The following ZC3H12B variants were observed in gnomAD, a reference collection of about 807,000 sequenced individuals.
ZC3H12B encodes zinc finger CCCH-type containing 12B.
In ZC3H12B, 7 loss-of-function variants were observed where a neutral mutation model predicts 43.9. The observed-to-expected ratio is 0.16, with a 90% CI of 0.09 to 0.30. ZC3H12B has a LOEUF of 0.30. ZC3H12B is among the 10% of genes least tolerant of loss of function. The pLI is 1.00. For missense variants in ZC3H12B, 475 were observed against 670.2 expected (o/e 0.71, Z 3.22); for synonymous variants, 222 against 241.7 (o/e 0.92, Z 0.76).
the ZC3H12B span, among the ~76,000 whole-genome samples, chrX:65,284,041 A>C: frequency 1.3e-4 from 14 of 111,081 alleles, no homozygotes; most frequent in African/African-American, 4.6e-4. Flanking sequence ...CTGAGGAGTG[A>C]GGGGGATGTG....
exon 1 of ZC3H12B, chrX:65,489,146 G>A (rs1329971640): frequency 1.2e-5 from 14 of 1,210,179 alleles, no homozygotes; most frequent in Middle Eastern, 4.6e-4. Context: ...TGGAGTTTGC[G>A]CTAAAGCTGG....
At chrX:65,199,690 T>C in the ZC3H12B span, among the ~76,000 whole-genome samples, 1 of 111,181 alleles carries the variant, frequency 9.0e-6, no homozygotes. Context: ...AGTGGGAACA[T>C]GCAGTGTCTG....
the ZC3H12B span, among the ~76,000 whole-genome samples, chrX:65,224,528 C>G: frequency 8.9e-6 from 1 of 112,589 alleles, no homozygotes; most frequent in East Asian, 2.8e-4. Flanking sequence ...GGGCGCAGGA[C>G]AGTGGGTGCA....
the ZC3H12B span, among the ~76,000 whole-genome samples, chrX:65,207,097 G>C: frequency 9.3e-6 from 1 of 107,078 alleles, no homozygotes; most frequent in Non-Finnish European, 1.9e-5. Flanking sequence ...AAATCAGTAT[G>C]GGGATTCCTT....
the ZC3H12B span, among the ~76,000 whole-genome samples, chrX:65,213,470 G>C: frequency 9.0e-6 from 1 of 111,093 alleles, no homozygotes; most frequent in Non-Finnish European, 1.9e-5. Context: ...GGGACAAGAA[G>C]TGTTTCAGAT....
the ZC3H12B span, among the ~76,000 whole-genome samples, chrX:65,183,137 G>T: frequency 9.0e-6 from 1 of 111,606 alleles, no homozygotes; most frequent in Non-Finnish European, 1.9e-5. Context: ...GTTCATCACA[G>T]TACTATTCAC....
intron 2 of ZC3H12B, among the ~76,000 whole-genome samples, chrX:65,392,873 T>C (rs1389364179): frequency 8.9e-6 from 1 of 112,391 alleles, no homozygotes; most frequent in Admixed American, 9.3e-5. Context: ...GAAGTAGACA[T>C]AGGAGGCTCC....
chrX:65,085,025 T>C, the ZC3H12B span, among the ~76,000 whole-genome samples: 1 of 112,048 alleles, frequency 8.9e-6, no homozygotes, highest in South Asian at 3.7e-4. Flanking sequence ...AAACATCACA[T>C]GTTCTCACTT....
At chrX:65,097,940 T>C in the ZC3H12B span, among the ~76,000 whole-genome samples, 2 of 111,863 alleles carry the variant, frequency 1.8e-5, no homozygotes, top group East Asian at 5.6e-4. Context: ...CAAAAGTCCC[T>C]TCTTCCATTT....
chrX:65,190,229 T>C, the ZC3H12B span, among the ~76,000 whole-genome samples: 6 of 110,330 alleles, frequency 5.4e-5, no homozygotes, highest in East Asian at 8.6e-4. Flanking sequence ...AGTCAGGTAG[T>C]GTGATGCCTC....
At chrX:65,383,487 T>C (rs1376262460) in intron 2 of ZC3H12B, among the ~76,000 whole-genome samples, 1 of 111,681 alleles carries the variant, frequency 9.0e-6, no homozygotes, top group Non-Finnish European at 1.9e-5. Context: ...TTTGACCTAA[T>C]ACCATAAAAA....
chrX:65,349,455 C>T, the ZC3H12B span, among the ~76,000 whole-genome samples: 2 of 111,338 alleles, frequency 1.8e-5, no homozygotes, highest in African/African-American at 6.5e-5. Flanking sequence ...ATTTAAAGAA[C>T]CAAAGAAGCA....
chrX:65,260,698 T>A, the ZC3H12B span, among the ~76,000 whole-genome samples: 1 of 111,832 alleles, frequency 8.9e-6, no homozygotes, highest in Non-Finnish European at 1.9e-5. Flanking sequence ...TTTTTAAAAA[T>A]TAAATAAAAG....
At chrX:65,186,114 C>T in the ZC3H12B span, 4 of 111,403 alleles carry the variant, frequency 3.6e-5, no homozygotes, top group Non-Finnish European at 5.6e-5. Context: ...AGTTGGAGTA[C>T]CAAATTATTA....
chrX:65,506,426 T>C (rs1245151495), exon 5 of ZC3H12B: 1 of 112,112 alleles, frequency 8.9e-6, no homozygotes, highest in African/African-American at 3.2e-5. Context: ...TCTGTAATTA[T>C]AAAACAGCAA....
At chrX:65,174,927 A>G in the ZC3H12B span, among the ~76,000 whole-genome samples, 139 of 109,068 alleles carry the variant, frequency 1.3e-3, 1 homozygote, top group Middle Eastern at 4.8e-3. Flanking sequence ...GGAAAAAAAA[A>G]CAAAAAACAA....
At chrX:65,426,969 A>G (rs1056042924) in intron 3 of ZC3H12B, among the ~76,000 whole-genome samples, 7 of 111,787 alleles carry the variant, frequency 6.3e-5, no homozygotes, top group Non-Finnish European at 1.1e-4. Context: ...GTAGATATCT[A>G]TCAGGTCTAC....
chrX:65,351,406 G>T, the ZC3H12B span, among the ~76,000 whole-genome samples: 2 of 111,843 alleles, frequency 1.8e-5, no homozygotes, highest in Non-Finnish European at 3.8e-5. Context: ...CATAGGCATG[G>T]GCAAAGACTT....
At chrX:65,147,824 G>T in the ZC3H12B span, among the ~76,000 whole-genome samples, 25 of 110,651 alleles carry the variant, frequency 2.3e-4, no homozygotes, top group Non-Finnish European at 4.4e-4. Flanking sequence ...TGGATCCTGG[G>T]TCTGTGGGGG....
Sources: gnomAD v4.1 joint callset for allele counts (sites outside exome capture counted in the v4.1 genomes callset) on GRCh38, gnomAD v4.1.1 for gene constraint, MANE v1.5 for transcripts, NCBI Gene and HGNC (gene_info 2026-07-23, HGNC 2026-07-21) for gene names.